The following GPHN variants were observed in gnomAD, a reference collection of about 807,000 sequenced individuals.
The protein encoded by GPHN is gephyrin.
A neutral mutation model predicts 95.5 loss-of-function variants in GPHN; 17 were observed. The ratio of observed to expected loss-of-function variants is 0.18; its 90% CI spans 0.12 to 0.27. The LOEUF (loss-of-function observed/expected upper bound fraction) is 0.27. GPHN is among the 10% of genes least tolerant of loss of function. GPHN has a pLI of 1.00. For synonymous variants in GPHN, 320 were observed against 322.5 expected, an observed-to-expected ratio of 0.99 and a Z score of 0.08; for missense variants, 660 against 978.1, an observed-to-expected ratio of 0.67 and a Z score of 4.34.
intron 17 of GPHN, among the ~76,000 whole-genome samples, chr14:67,141,420 G>A (rs1209388019): frequency 6.6e-6 from 1 of 152,070 alleles, no homozygotes; most frequent in Non-Finnish European, 1.5e-5. Context: ...CAGTTTGTTG[G>A]GTATGTTTGT....
the GPHN span, among the ~76,000 whole-genome samples, chr14:67,318,484 T>G: frequency 6.6e-6 from 1 of 152,228 alleles, no homozygotes; most frequent in Non-Finnish European, 1.5e-5. Flanking sequence ...GCTACTGTAC[T>G]GTAGAAAACG....
chr14:67,724,770 T>C, the GPHN span, among the ~76,000 whole-genome samples: 1,790 of 152,310 alleles, frequency 0.012, 10 homozygotes, highest in Non-Finnish European at 0.017. Context: ...TCCAATAAAC[T>C]GCTTCTTTCC....
chr14:66,794,086 T>C (rs2060071990), intron 3 of GPHN, among the ~76,000 whole-genome samples: 1 of 152,134 alleles, frequency 6.6e-6, no homozygotes, highest in Non-Finnish European at 1.5e-5. Context: ...ATTAAAAGGA[T>C]AGAAAAAATA....
At chr14:67,466,456 A>G in the GPHN span, among the ~76,000 whole-genome samples, 1 of 152,228 alleles carries the variant, frequency 6.6e-6, no homozygotes. Flanking sequence ...GAGCTGCTCT[A>G]TGGTGGTGGG....
chr14:66,922,188 A>G (rs1401299820), intron 6 of GPHN, among the ~76,000 whole-genome samples: 2 of 152,248 alleles, frequency 1.3e-5, no homozygotes, highest in East Asian at 3.9e-4. Context: ...AAGCAATTGC[A>G]ATAAAAACAA....
At chr14:67,630,417 T>C in the GPHN span, among the ~76,000 whole-genome samples, 4 of 152,178 alleles carry the variant, frequency 2.6e-5, no homozygotes, top group African/African-American at 2.4e-5. Context: ...GGTTGTAGCC[T>C]CAGCAGCAGG....
chr14:67,022,026 G>T (rs549062249), intron 9 of GPHN, among the ~76,000 whole-genome samples: 23 of 151,280 alleles, frequency 1.5e-4, no homozygotes, highest in Non-Finnish European at 3.4e-4. Flanking sequence ...GCTTTCTCTT[G>T]TGTTCTTTGA....
the GPHN span, among the ~76,000 whole-genome samples, chr14:67,702,961 G>A: frequency 2.6e-5 from 4 of 151,862 alleles, no homozygotes; most frequent in Admixed American, 6.6e-5. Context: ...CTACAGGTGC[G>A]TGCCGCCATG....
chr14:67,047,059 T>C (rs1019215625), intron 10 of GPHN, among the ~76,000 whole-genome samples: 1 of 152,156 alleles, frequency 6.6e-6, no homozygotes, highest in Non-Finnish European at 1.5e-5. Context: ...TACAAGGAAT[T>C]GAAGCTGCAA....
At chr14:66,620,810 C>T (rs1259220982) in intron 1 of GPHN, among the ~76,000 whole-genome samples, 1 of 152,218 alleles carries the variant, frequency 6.6e-6, no homozygotes, top group Admixed American at 6.5e-5. Context: ...CAAGTCCCTT[C>T]TGCCTATAAG....
intron 16 of GPHN, among the ~76,000 whole-genome samples, chr14:67,115,756 A>G (rs116944425): frequency 0.019 from 2,921 of 152,082 alleles, 38 homozygotes; most frequent in Middle Eastern, 0.034. Flanking sequence ...AAAGATATAT[A>G]TGGTTTCACA....
At chr14:67,079,335 G>C (rs887665582) in intron 11 of GPHN, among the ~76,000 whole-genome samples, 34 of 151,954 alleles carry the variant, frequency 2.2e-4, no homozygotes, top group African/African-American at 8.2e-4. Context: ...AGTATACTCA[G>C]ACGTGTAGCC....
the GPHN span, among the ~76,000 whole-genome samples, chr14:67,685,802 G>C: frequency 2.0e-5 from 3 of 152,048 alleles, no homozygotes; most frequent in African/African-American, 7.2e-5. Context: ...TTTTAGTGGA[G>C]ACGGGATTTC....
rs114984875 is a variant in GPHN at position 66,750,650 on chromosome 14, G to A, written c.144-25814G>A. On this transcript the variant is annotated intron_variant, in intron 2 of 22. Transcript: ENST00000478722. ...GGTAGCAGGAAAAAGGTAAATTAAA[G>A]CTTACCAATGTTTTGTAAAATTCTA... 5.5e-3 allele frequency among the ~76,000 whole-genome samples: 835 copies of A among 151,958 alleles called. 3 individuals are homozygous for A. Among genetic ancestry groups the A allele is most frequent in the African/African-American group, 0.019 (797 of 41,502 alleles).
chr14:67,167,907 GT>G (rs1274301149), intron 20 of GPHN, among the ~76,000 whole-genome samples: 2 of 152,162 alleles, frequency 1.3e-5, no homozygotes, highest in Non-Finnish European at 2.9e-5. Flanking sequence ...CAGCCCAGTG[GT>G]TGTTTGCTTC....
chr14:67,088,394 G>A (rs1427809726), intron 11 of GPHN, among the ~76,000 whole-genome samples: 1 of 151,920 alleles, frequency 6.6e-6, no homozygotes, highest in South Asian at 2.1e-4. Flanking sequence ...ATTTGACTTT[G>A]CATGTTGTAA....
At chr14:67,259,702 G>C in the GPHN span, among the ~76,000 whole-genome samples, 2 of 151,900 alleles carry the variant, frequency 1.3e-5, no homozygotes, top group Non-Finnish European at 1.5e-5. Flanking sequence ...CTTTGCCCAG[G>C]AATTTAAGAC....
At chr14:67,465,632 G>C in the GPHN span, among the ~76,000 whole-genome samples, 1 of 152,214 alleles carries the variant, frequency 6.6e-6, no homozygotes, top group Non-Finnish European at 1.5e-5. Flanking sequence ...ATTCCTAAGT[G>C]GGTACAAAAT....
At chr14:67,086,435 A>C (rs939140809) in intron 11 of GPHN, among the ~76,000 whole-genome samples, 1 of 152,018 alleles carries the variant, frequency 6.6e-6, no homozygotes, top group Non-Finnish European at 1.5e-5. Context: ...GCAGATCACG[A>C]GGTCAGGAGA....
Sources: gnomAD v4.1 joint callset for allele counts (sites outside exome capture counted in the v4.1 genomes callset) on GRCh38, gnomAD v4.1.1 for gene constraint, MANE v1.5 for transcripts, NCBI Gene and HGNC (gene_info 2026-07-23, HGNC 2026-07-21) for gene names.